The following HMG20A variants were observed in gnomAD, a reference collection of about 807,000 sequenced individuals.
HMG20A encodes the protein high mobility group protein 20A.
HMG20A carries 17 observed loss-of-function variants against 43.9 expected under a neutral mutation model. The ratio of observed to expected loss-of-function variants is 0.39; its 90% confidence interval spans 0.27 to 0.58. HMG20A has a LOEUF of 0.58. Among genes scored for constraint, HMG20A ranks in the 20% least tolerant of loss-of-function variants. HMG20A has a pLI of 0.59. For synonymous variants in HMG20A, 132 were observed against 147.5 expected (o/e 0.89, Z 0.76); for missense variants, 341 against 438.2 (o/e 0.78, Z 1.98).
intron 1 of HMG20A, 182 bp from the exon 2 acceptor site, chr15:77,458,222 T>C: frequency 2.1e-6 from 1 of 481,922 alleles, no homozygotes; most frequent in South Asian, 2.5e-5. Flanking sequence ...AGACCAAGGT[T>C]AAAAGGCCCA....
chr15:77,453,329 A>G (rs1215169195), intron 1 of HMG20A, among the ~76,000 whole-genome samples: 1 of 152,232 alleles, frequency 6.6e-6, no homozygotes, highest in Non-Finnish European at 1.5e-5. Flanking sequence ...ATAAGAAAAA[A>G]TGCTTAACAT....
intron 1 of HMG20A, among the ~76,000 whole-genome samples, chr15:77,435,540 C>T (rs185882524): frequency 3.9e-5 from 6 of 152,148 alleles, no homozygotes; most frequent in Admixed American, 3.3e-4. Context: ...GTGATCCGCC[C>T]GCCTCGGCCT....
At chr15:77,503,566 G>A in the HMG20A span, among the ~76,000 whole-genome samples, 1 of 152,154 alleles carries the variant, frequency 6.6e-6, no homozygotes, top group Non-Finnish European at 1.5e-5. Context: ...TGTAAGCAGT[G>A]CAGCCACCCT....
chr15:77,444,287 G>A (rs1567394769), intron 1 of HMG20A, among the ~76,000 whole-genome samples: 2 of 152,094 alleles, frequency 1.3e-5, no homozygotes, highest in Admixed American at 1.3e-4. Flanking sequence ...TGCTAACACA[G>A]GCAAATGAGT....
At chr15:77,519,059 G>C in the HMG20A span, among the ~76,000 whole-genome samples, 1 of 152,146 alleles carries the variant, frequency 6.6e-6, no homozygotes, top group Non-Finnish European at 1.5e-5. Flanking sequence ...GGGTCACGCA[G>C]CAATAGAGCA....
At chr15:77,504,519 A>G in the HMG20A span, among the ~76,000 whole-genome samples, 23 of 152,244 alleles carry the variant, frequency 1.5e-4, no homozygotes, top group African/African-American at 5.3e-4. Flanking sequence ...GTAATTGCCC[A>G]AGAGAAGCAG....
the HMG20A span, among the ~76,000 whole-genome samples, chr15:77,499,283 G>T: frequency 6.6e-6 from 1 of 152,146 alleles, no homozygotes; most frequent in Non-Finnish European, 1.5e-5. Flanking sequence ...AGTCGCCCTT[G>T]CTGGAGTTCC....
At chr15:77,449,313 A>G (rs546379040) in intron 1 of HMG20A, among the ~76,000 whole-genome samples, 2 of 152,050 alleles carry the variant, frequency 1.3e-5, no homozygotes, top group African/African-American at 4.8e-5. Flanking sequence ...TTTCCCTCTC[A>G]TCTCACATAT....
intron 5 of HMG20A, 64 bp downstream of exon 5, chr15:77,471,106 A>G (rs1010239920): frequency 1.3e-6 from 2 of 1,520,962 alleles, no homozygotes; most frequent in South Asian, 1.2e-5. Flanking sequence ...CATAAAGCCA[A>G]CTGTTAAGAG....
the HMG20A span, among the ~76,000 whole-genome samples, chr15:77,517,675 C>T: frequency 9.9e-5 from 15 of 151,712 alleles, no homozygotes; most frequent in Non-Finnish European, 5.9e-5. Context: ...AACATCCAGT[C>T]GGGGAGATCA....
the HMG20A span, among the ~76,000 whole-genome samples, chr15:77,501,674 TC>T: frequency 6.6e-6 from 1 of 152,232 alleles, no homozygotes; most frequent in East Asian, 1.9e-4. Context: ...ACTTAGATCA[TC>T]CTTAGGTACT....
chr15:77,440,487 G>A (rs946362767), intron 1 of HMG20A, among the ~76,000 whole-genome samples: 2 of 152,130 alleles, frequency 1.3e-5, no homozygotes, highest in African/African-American at 4.8e-5. Flanking sequence ...GGATAGGCTA[G>A]GTTATTGCTA....
At chr15:77,445,405 C>T (rs868038390) in intron 1 of HMG20A, among the ~76,000 whole-genome samples, 15 of 152,324 alleles carry the variant, frequency 9.8e-5, no homozygotes, top group Middle Eastern at 3.4e-3. Flanking sequence ...CTTTCTCATA[C>T]AGTAGTTCCC....
the HMG20A span, among the ~76,000 whole-genome samples, chr15:77,516,158 T>C: frequency 1.2e-3 from 186 of 152,312 alleles, no homozygotes; most frequent in Non-Finnish European, 2.0e-3. Context: ...TCTGATTTCA[T>C]TTTCTCTCTT....
intron 1 of HMG20A, among the ~76,000 whole-genome samples, chr15:77,422,592 G>A (rs900180026): frequency 6.6e-6 from 1 of 152,130 alleles, no homozygotes; most frequent in Non-Finnish European, 1.5e-5. Context: ...CTCCAGCCTG[G>A]GCGACAGTGA....
At chr15:77,472,252 C>A (rs754760023) in intron 6 of HMG20A, among the ~76,000 whole-genome samples, 1 of 152,032 alleles carries the variant, frequency 6.6e-6, no homozygotes, top group Non-Finnish European at 1.5e-5. Flanking sequence ...GCGACAGTAT[C>A]TCAGGTTTGT....
chr15:77,448,202 C>T (rs899623899), intron 1 of HMG20A, among the ~76,000 whole-genome samples: 9 of 152,210 alleles, frequency 5.9e-5, no homozygotes, highest in Admixed American at 4.6e-4. Flanking sequence ...TCTCCACCTT[C>T]ATTCAGTCTG....
At chr15:77,486,709 A>T (rs2072947310), downstream of HMG20A, among the ~76,000 whole-genome samples, 1 of 152,188 alleles carries the variant, frequency 6.6e-6, no homozygotes, top group African/African-American at 2.4e-5. Context: ...GGCATTGGGC[A>T]AGTCTTGATT....
chr15:77,514,834 G>A, the HMG20A span, among the ~76,000 whole-genome samples: 102 of 152,324 alleles, frequency 6.7e-4, no homozygotes, highest in Non-Finnish European at 1.3e-3. Flanking sequence ...CAGTCATGAG[G>A]CTGCTGTGGT....
Sources: allele counts gnomAD v4.1 joint callset (sites outside exome capture counted in the v4.1 genomes callset), GRCh38; gene constraint gnomAD v4.1.1; transcripts MANE v1.5; gene names NCBI Gene and HGNC (gene_info 2026-07-23, HGNC 2026-07-21).